Variants in TCERG1 observed in about 807,000 individuals in gnomAD.
TCERG1 encodes TATA box binding protein (TBP)-associated factor, RNA polymerase II, S, 150kD.
In TCERG1, 37 loss-of-function variants were observed where a neutral mutation model predicts 144.7. The observed-to-expected ratio is 0.26, with a 90% CI of 0.20 to 0.34. TCERG1 has a LOEUF of 0.34. Ranked by LOEUF, TCERG1 falls within the 10% of genes least tolerant of loss-of-function variation. TCERG1 has a pLI of 1.00. For missense variants in TCERG1, 1,027 were observed against 1,380.7 expected (o/e 0.74, Z 4.06); for synonymous variants, 492 against 458.2 (o/e 1.07, Z -0.94).
At position 146,480,101 on chromosome 5, in the gene TCERG1, AATAC is replaced by A; in HGVS notation, c.1886+12_1886+15del. 4 of 1,576,262 alleles carry A rather than the reference AATAC, an allele frequency of 2.5e-6. No individual in the cohort carries two copies. Among genetic ancestry groups the A allele is most frequent in the Non-Finnish European group, 2.6e-6 (3 of 1,160,864 alleles). ...TTAAAGCAAAAAAACGGAAGTAAGT[AATAC>A]ATACGATTTGATTGAGGTAGATTAT... On this transcript the variant is annotated splice_region_variant and intron_variant, in intron 12 of 22. Transcript: ENST00000679501.
intron 21 of TCERG1, 114 bp downstream of exon 21, chr5:146,508,070 T>A (rs886645774): frequency 1.7e-6 from 1 of 604,728 alleles, no homozygotes. Flanking sequence ...GAATTACTTT[T>A]AAGTGTATGA....
intron 3 of TCERG1, among the ~76,000 whole-genome samples, chr5:146,458,042 G>T (rs1046393498): frequency 6.6e-6 from 1 of 152,114 alleles, no homozygotes; most frequent in African/African-American, 2.4e-5. Flanking sequence ...TAGAGACAGG[G>T]TTTCACCATG....
intron 9 of TCERG1, 180 bp from the exon 10 acceptor site, chr5:146,478,313 G>T: frequency 2.1e-6 from 1 of 483,140 alleles, no homozygotes; most frequent in Non-Finnish European, 3.3e-6. Flanking sequence ...TGTTATTTTT[G>T]CTTGAGTCAT....
intron 3 of TCERG1, among the ~76,000 whole-genome samples, chr5:146,457,906 G>A (rs1762967870): frequency 6.6e-6 from 1 of 152,216 alleles, no homozygotes; most frequent in Non-Finnish European, 1.5e-5. Context: ...CTAGAGAGCA[G>A]TAGTGCAATG....
At chr5:146,460,103 T>G (rs144583097) in intron 4 of TCERG1, among the ~76,000 whole-genome samples, 1 of 152,200 alleles carries the variant, frequency 6.6e-6, no homozygotes, top group East Asian at 1.9e-4. Flanking sequence ...GTTTCTAGAC[T>G]GGGATGCGAG....
intron 1 of TCERG1, among the ~76,000 whole-genome samples, chr5:146,450,300 G>A (rs1047872107): frequency 6.6e-6 from 1 of 152,196 alleles, no homozygotes; most frequent in African/African-American, 2.4e-5. Context: ...TAATGAGAAG[G>A]AGCTAGTTAT....
At chr5:146,459,427 G>A (rs1763154381) in intron 4 of TCERG1, 90 bp downstream of exon 4, 2 of 1,520,732 alleles carry the variant, frequency 1.3e-6, no homozygotes, top group Non-Finnish European at 1.8e-6. Flanking sequence ...AGTGTTTCTG[G>A]TATTATCCTT....
At chr5:146,483,036 A>G (rs1010396956) in intron 14 of TCERG1, among the ~76,000 whole-genome samples, 1 of 152,166 alleles carries the variant, frequency 6.6e-6, no homozygotes, top group African/African-American at 2.4e-5. Context: ...TAGGTAAGGT[A>G]TATATGATTA....
chr5:146,456,909 C>G (rs968515356), intron 2 of TCERG1, among the ~76,000 whole-genome samples: 1 of 152,120 alleles, frequency 6.6e-6, no homozygotes, highest in Non-Finnish European at 1.5e-5. Flanking sequence ...ATCCAGCGCC[C>G]TGTGTGTGAA....
At chr5:146,501,367 A>G (rs1767433355) in intron 17 of TCERG1, among the ~76,000 whole-genome samples, 1 of 152,200 alleles carries the variant, frequency 6.6e-6, no homozygotes, top group African/African-American at 2.4e-5. Context: ...TAAGCCATTT[A>G]TAACCTGTCA....
intron 17 of TCERG1, among the ~76,000 whole-genome samples, chr5:146,502,165 G>C (rs1767535915): frequency 6.6e-6 from 1 of 152,028 alleles, no homozygotes; most frequent in African/African-American, 2.4e-5. Flanking sequence ...CAAACTGCTG[G>C]GATTACAGGC....
rs559596559 is a variant in TCERG1 at position 146,510,860 on chromosome 5, C to T, written c.*218C>T. 5.2e-4 allele frequency: 199 copies of T among 382,830 alleles called. No individual in the cohort carries two copies. Among genetic ancestry groups the T allele is most frequent in the Non-Finnish European group, 7.3e-4 (158 of 216,652 alleles). 23.7% of individuals were successfully genotyped at this position (382,830 alleles called of 1,614,324 possible). A position where few individuals can be genotyped will look rare whatever the true frequency, so the allele number is the denominator to read the frequency against. On this transcript the variant is annotated 3_prime_UTR_variant, in exon 23 of 23. Transcript: ENST00000679501. ...ATACATACTCAAATATAGGCTGTCT[C>T]TAGTAAATCTTAAAATCTTGAAGCT...
rs1763535820 is a variant in TCERG1, at chr5:146,463,724, C to A, written c.1066C>A (p.Pro356Thr). The change falls in exon 5 of 23, where the codon CCT becomes ACT. Residue 356 changes from proline to threonine, a missense_variant. Pro to Thr is a conservative substitution (Grantham distance 38). Coordinates refer to ENST00000679501, the MANE Select transcript of TCERG1 (RefSeq NM_001382548.1). Reference protein sequence around the residue: ...HSVPQPTTAIPAFPPVMVPPF... With the variant: ...HSVPQPTTAITAFPPVMVPPF... ...AGTACCTCAGCCAACAACAGCAATA[C>A]CTGCTTTTCCACCAGTAATGGTACC... 6.2e-7 allele frequency: 1 copy of A among 1,614,100 alleles called. No individual in the cohort carries two copies. Among genetic ancestry groups the A allele is most frequent in the South Asian group, 1.1e-5 (1 of 91,090 alleles).
chr5:146,509,023 T>TC (rs1768238833), intron 21 of TCERG1, 122 bp from the exon 22 acceptor site: 2 of 500,198 alleles, frequency 4.0e-6, no homozygotes, highest in Non-Finnish European at 6.9e-6. Context: ...GTTGCCTTTT[T>TC]CTTTTGAATT....
chr5:146,481,598 T>C (rs1260887204), intron 13 of TCERG1: 2 of 152,152 alleles, frequency 1.3e-5, no homozygotes, highest in Non-Finnish European at 2.9e-5. Context: ...CAGTTTCCTG[T>C]ATAGCATGCT....
intron 6 of TCERG1, among the ~76,000 whole-genome samples, chr5:146,468,705 G>A (rs1363808988): frequency 6.6e-6 from 1 of 152,016 alleles, no homozygotes; most frequent in African/African-American, 2.4e-5. Flanking sequence ...TATTTTTGAT[G>A]TGTGTTTTTA....
intron 5 of TCERG1, among the ~76,000 whole-genome samples, chr5:146,466,494 ACTGT>A (rs1290678795): frequency 2.0e-5 from 3 of 152,186 alleles, no homozygotes; most frequent in Non-Finnish European, 4.4e-5. Context: ...AAGAAACTTA[ACTGT>A]CTGTGACATT....
At chr5:146,481,047 T>G in intron 12 of TCERG1, 103 bp from the exon 13 acceptor site, 1 of 280,350 alleles carries the variant, frequency 3.6e-6, no homozygotes, top group Non-Finnish European at 5.4e-6. Context: ...ATTCTGTTTA[T>G]GTACCATAAT....
intron 14 of TCERG1, among the ~76,000 whole-genome samples, chr5:146,482,990 G>A (rs1359759924): frequency 6.6e-6 from 1 of 152,048 alleles, no homozygotes; most frequent in Non-Finnish European, 1.5e-5. Flanking sequence ...AATATAAGAC[G>A]AGTATTAACA....
Sources: gnomAD v4.1 joint callset for allele counts (sites outside exome capture counted in the v4.1 genomes callset) on GRCh38, gnomAD v4.1.1 for gene constraint, MANE v1.5 for transcripts, NCBI Gene and HGNC (gene_info 2026-07-23, HGNC 2026-07-21) for gene names.